Variants in ATP9B observed in about 807,000 individuals in gnomAD.
The protein encoded by ATP9B is probable phospholipid-transporting ATPase IIB.
In ATP9B, 110 loss-of-function variants were observed where a neutral mutation model predicts 146.1. That is an observed-to-expected ratio of 0.75 (90% confidence interval 0.65 to 0.88). The LOEUF is 0.88. Among genes scored for constraint, ATP9B ranks in the 40% least tolerant of loss-of-function variants. ATP9B has a pLI of 0.00. For synonymous variants in ATP9B, 604 were observed against 569.7 expected, an observed-to-expected ratio of 1.06 and a Z score of -0.86; for missense variants, 1,499 against 1,496.4, an observed-to-expected ratio of 1.00 and a Z score of -0.03.
At chr18:79,098,235 G>A (rs1244517088) in intron 2 of ATP9B, among the ~76,000 whole-genome samples, 9 of 151,904 alleles carry the variant, frequency 5.9e-5, no homozygotes, top group African/African-American at 2.2e-4. Flanking sequence ...ATCAATTCAA[G>A]ATGGATTAAA....
At chr18:79,189,333 C>T (rs569266037) in intron 8 of ATP9B, among the ~76,000 whole-genome samples, 7 of 149,534 alleles carry the variant, frequency 4.7e-5, no homozygotes, top group Non-Finnish European at 8.9e-5. Context: ...GGCGACAGAG[C>T]GAGACTCCAT....
chr18:79,344,845 C>T (rs2096877531), intron 21 of ATP9B, among the ~76,000 whole-genome samples: 1 of 152,234 alleles, frequency 6.6e-6, no homozygotes, highest in South Asian at 2.1e-4. Context: ...CTGTCCTCTC[C>T]ATGTTGCATC....
At chr18:79,336,422 G>A (rs912342988) in intron 17 of ATP9B, among the ~76,000 whole-genome samples, 5 of 152,264 alleles carry the variant, frequency 3.3e-5, no homozygotes, top group Non-Finnish European at 7.3e-5. Flanking sequence ...AGTAGGATTT[G>A]AGATACCAGA....
chr18:79,369,122 TTTG>T (rs1206901406), intron 26 of ATP9B, among the ~76,000 whole-genome samples: 9 of 152,148 alleles, frequency 5.9e-5, no homozygotes, highest in Admixed American at 2.6e-4. Context: ...ACAGGCGAAA[TTTG>T]TTGTTGTTGT....
At chr18:79,099,018 T>C (rs185997207) in intron 2 of ATP9B, among the ~76,000 whole-genome samples, 7 of 152,314 alleles carry the variant, frequency 4.6e-5, no homozygotes, top group Admixed American at 6.5e-5. Context: ...GTTTGATTCC[T>C]GTTTGATTGA....
chr18:79,284,145 C>T (rs1394646430), intron 13 of ATP9B, among the ~76,000 whole-genome samples: 2 of 152,164 alleles, frequency 1.3e-5, no homozygotes, highest in Non-Finnish European at 2.9e-5. Context: ...TTTGTAAGGG[C>T]AGGCAAGCAT....
chr18:79,347,224 C>G (rs1231254898), intron 23 of ATP9B, among the ~76,000 whole-genome samples: 1 of 150,390 alleles, frequency 6.6e-6, no homozygotes, highest in Admixed American at 6.6e-5. Context: ...TTAATACAGA[C>G]ACACCCAGAA....
chr18:79,328,528 G>C (rs1398748849), intron 15 of ATP9B, among the ~76,000 whole-genome samples: 2 of 152,154 alleles, frequency 1.3e-5, no homozygotes, highest in African/African-American at 4.8e-5. Flanking sequence ...TGACAGAAGA[G>C]GAGCGTGGCC....
chr18:79,217,372 G>A (rs547549091), intron 11 of ATP9B, among the ~76,000 whole-genome samples: 14 of 152,226 alleles, frequency 9.2e-5, no homozygotes, highest in African/African-American at 3.1e-4. Context: ...TTTTATTAGA[G>A]ACAGGGTTTC....
rs575066417 is a variant in ATP9B at position 79,206,970 on chromosome 18, A to G, written c.988A>G (p.Ser330Gly). ...TGACCCGCCCATTCATGAAAGTCTC[A>G]GCATAGAAAATACATTGTGGGCAAG... ...DSDPPIHESL[S>G]IENTLWASTI... The change falls in exon 10 of 30, where the codon AGC (serine) becomes GGC (glycine). Residue 330 changes from serine (S) to glycine (G), a missense_variant. Ser to Gly is a moderately conservative substitution (Grantham distance 56, BLOSUM62 0). Transcript: ENST00000426216. 1.3e-5 allele frequency: 21 copies of G among 1,614,138 alleles called. No homozygotes were observed. In the South Asian group the frequency reaches 2.2e-4, roughly 17 times the overall value.
At chr18:79,345,872 A>G (rs749398630) in intron 23 of ATP9B, 33 bp downstream of exon 23, 21 of 1,610,612 alleles carry the variant, frequency 1.3e-5, no homozygotes, top group Non-Finnish European at 1.8e-5. Flanking sequence ...ACATTAGCAC[A>G]CAGTCAGCAC....
At chr18:79,175,825 C>T (rs72996114) in intron 7 of ATP9B, among the ~76,000 whole-genome samples, 9,369 of 152,130 alleles carry the variant, frequency 0.062, 366 homozygotes, top group Non-Finnish European at 0.092. Context: ...GCCATGCACG[C>T]GCACACACAT....
chr18:79,134,766 A>G (rs974955655), intron 5 of ATP9B, among the ~76,000 whole-genome samples: 1 of 152,208 alleles, frequency 6.6e-6, no homozygotes, highest in Admixed American at 6.5e-5. Flanking sequence ...CCTTTGTCAC[A>G]TGTAGCAAAT....
intron 7 of ATP9B, among the ~76,000 whole-genome samples, chr18:79,172,809 A>C (rs1026993856): frequency 2.0e-5 from 3 of 152,250 alleles, no homozygotes; most frequent in African/African-American, 7.2e-5. Context: ...TTTGTTGTTT[A>C]CAGGTTTTTG....
chr18:79,194,933 G>A (rs1465344037), intron 9 of ATP9B, among the ~76,000 whole-genome samples: 2 of 152,190 alleles, frequency 1.3e-5, no homozygotes, highest in African/African-American at 4.8e-5. Context: ...AAAGCTTTGG[G>A]ACATTGAAGG....
chr18:79,255,462 C>T (rs891962241), intron 12 of ATP9B, among the ~76,000 whole-genome samples: 2 of 152,214 alleles, frequency 1.3e-5, no homozygotes, highest in African/African-American at 4.8e-5. Flanking sequence ...TCCTTTGTCT[C>T]CATACACATG....
intron 11 of ATP9B, among the ~76,000 whole-genome samples, chr18:79,214,658 T>C (rs1009514136): frequency 6.6e-6 from 1 of 152,244 alleles, no homozygotes; most frequent in Middle Eastern, 3.2e-3. Context: ...TATGTGCTAA[T>C]GTACAGTTAA....
Position 79,193,044 on chromosome 18 carries a change from T to G in ATP9B, c.874-139T>G, listed in dbSNP as rs1238747027. Reference sequence around the variant, plus strand: ...TATCTGACATTCTAATTTATAGTGTTGGCACACAAAAATCTAAGAAAATCA... The same window carrying G: ...TATCTGACATTCTAATTTATAGTGTGGGCACACAAAAATCTAAGAAAATCA... On this transcript the variant is annotated intron_variant, in intron 8 of 29. Transcript: ENST00000426216. 7.4e-6 allele frequency: 5 copies of G among 672,878 alleles called. No individual in the cohort carries two copies. In the African/African-American group the frequency reaches 9.3e-5, roughly 12 times the overall value. 41.7% of individuals were successfully genotyped at this position (672,878 alleles called of 1,614,324 possible). A position where few individuals can be genotyped will look rare whatever the true frequency, so the allele number is the denominator to read the frequency against.
chr18:79,335,245 C>T (rs754572351), intron 17 of ATP9B, among the ~76,000 whole-genome samples: 13 of 152,188 alleles, frequency 8.5e-5, no homozygotes, highest in South Asian at 2.1e-4. Flanking sequence ...AATATGGCAG[C>T]GTCAACCTCG....
Sources: allele counts gnomAD v4.1 joint callset (sites outside exome capture counted in the v4.1 genomes callset), GRCh38; gene constraint gnomAD v4.1.1; transcripts MANE v1.5; gene names NCBI Gene and HGNC (gene_info 2026-07-23, HGNC 2026-07-21).